The following DCBLD1 variants were observed in gnomAD, a reference collection of about 807,000 sequenced individuals.
DCBLD1 encodes discoidin, CUB and LCCL domain containing 1.
In DCBLD1, 57 loss-of-function variants were observed where a neutral mutation model predicts 71.5. That is an observed-to-expected ratio of 0.80 (90% CI 0.64 to 0.99). The LOEUF (loss-of-function observed/expected upper bound fraction) is 0.99. DCBLD1 is among the 50% of genes least tolerant of loss of function. The pLI is 0.00. For missense variants in DCBLD1, 891 were observed against 923.5 expected (o/e 0.96, Z 0.46); for synonymous variants, 380 against 363.8 (o/e 1.04, Z -0.51).
intron 7 of DCBLD1, 26 bp downstream of exon 7, chr6:117,537,251 T>G (rs1223578380): frequency 6.2e-7 from 1 of 1,612,834 alleles, no homozygotes. Flanking sequence ...TCCTTAAGAA[T>G]TTGATATTTT....
intron 5 of DCBLD1, among the ~76,000 whole-genome samples, chr6:117,529,814 A>G (rs1171328370): frequency 1.3e-5 from 2 of 152,240 alleles, no homozygotes; most frequent in Non-Finnish European, 2.9e-5. Context: ...AAAACCCACA[A>G]TTACTTTTGC....
At chr6:117,543,768 T>A (rs1169081015) in intron 12 of DCBLD1, among the ~76,000 whole-genome samples, 1 of 152,210 alleles carries the variant, frequency 6.6e-6, no homozygotes, top group Non-Finnish European at 1.5e-5. Context: ...TAGAAGTATC[T>A]GTGCTTCTCC....
intron 5 of DCBLD1, among the ~76,000 whole-genome samples, chr6:117,531,426 G>A (rs1778716098): frequency 6.6e-6 from 1 of 152,168 alleles, no homozygotes; most frequent in Non-Finnish European, 1.5e-5. Context: ...GAAAGTTCTA[G>A]TCGTTTCTGT....
At chr6:117,518,769 A>G (rs1398016698) in intron 2 of DCBLD1, among the ~76,000 whole-genome samples, 1 of 152,180 alleles carries the variant, frequency 6.6e-6, no homozygotes, top group Non-Finnish European at 1.5e-5. Context: ...ACCTTCCCCC[A>G]TGATTCAGTT....
Position 117,548,291 on chromosome 6 carries a change from G to A in DCBLD1, c.2000G>A (p.Arg667Gln), listed in dbSNP as rs1157727225. ...CAGCCTGCGGACAGGGGCTACGACC[G>A]GCCCAAAGCTGTCAGCGCCCTCGCC... ...SAQPADRGYD[R>Q]PKAVSALATE... Residue 667 changes from arginine (R) to glutamine (Q), a missense_variant, in exon 15 of 15, where the codon CGG becomes CAG. Transcript: ENST00000338728. The A allele has an allele frequency of 1.0e-5, 16 of 1,550,622 alleles. No homozygotes were observed. Among genetic ancestry groups the A allele is most frequent in the East Asian group, 2.4e-5 (1 of 40,916 alleles).
intron 2 of DCBLD1, among the ~76,000 whole-genome samples, chr6:117,517,904 T>C (rs1001537199): frequency 5.3e-5 from 8 of 152,230 alleles, no homozygotes; most frequent in African/African-American, 1.9e-4. Context: ...AGGGTTGCCT[T>C]GAAGACCTCT....
chr6:117,509,546 C>T (rs189821600), intron 2 of DCBLD1, among the ~76,000 whole-genome samples: 42 of 152,276 alleles, frequency 2.8e-4, no homozygotes, highest in Admixed American at 1.8e-3. Context: ...ACTTAGTCAA[C>T]GTTAGCCATT....
chr6:117,532,416 G>C, intron 6 of DCBLD1, 23 bp downstream of exon 6: 1 of 1,584,078 alleles, frequency 6.3e-7, no homozygotes. Flanking sequence ...TTTCAGTATC[G>C]TTTGTTCTGA....
At chr6:117,561,299 G>T (rs1779579787) in intron 14 of DCBLD1, 1 of 224,016 alleles carries the variant, frequency 4.5e-6, no homozygotes. Context: ...TTATTCGGTA[G>T]TTCTTGAAAA....
intron 14 of DCBLD1, 42 bp from the exon 15 acceptor site, chr6:117,547,865 G>A (rs1351313991): frequency 6.5e-7 from 1 of 1,550,100 alleles, no homozygotes. Context: ...AGGCCGGCCC[G>A]TGTGTGGTGC....
At chr6:117,483,642 C>G (rs1416532095) in intron 1 of DCBLD1, among the ~76,000 whole-genome samples, 1 of 152,072 alleles carries the variant, frequency 6.6e-6, no homozygotes, top group East Asian at 1.9e-4. Context: ...CATATTAAAG[C>G]AGCAACCCCC....
At chr6:117,556,357 C>A (rs750953964) in intron 14 of DCBLD1, among the ~76,000 whole-genome samples, 1 of 152,108 alleles carries the variant, frequency 6.6e-6, no homozygotes, top group Non-Finnish European at 1.5e-5. Context: ...ATTTTTCAAC[C>A]CTCACCCACC....
At position 117,498,437 on chromosome 6, in the gene DCBLD1, G is replaced by C. The variant is rs925931665; in HGVS notation, c.113-5330G>C. On this transcript the variant is annotated intron_variant, in intron 1 of 14. Transcript: ENST00000338728. ...AGGAAGGAACAGATAAACATTGTGT[G>C]GTGTAGCCACTTTGAAGAGTGGTCA... Among the ~76,000 whole-genome samples, 52 of 152,256 alleles carry C rather than the reference G, an allele frequency of 3.4e-4. 1 individual carries two copies. The highest frequency in any genetic ancestry group is 1.2e-3 in the African/African-American group (48 of 41,550).
chr6:117,489,694 T>C (rs1777218041), intron 1 of DCBLD1, among the ~76,000 whole-genome samples: 1 of 151,934 alleles, frequency 6.6e-6, no homozygotes. Flanking sequence ...ACCATCATGG[T>C]CTAACTCGGT....
rs1391727403 is a variant in DCBLD1, at chr6:117,538,795, G to A, written c.936G>A (p.Glu312=). 1.2e-6 allele frequency: 2 copies of A among 1,614,030 alleles called. No individual in the cohort carries two copies. Among genetic ancestry groups the A allele is most frequent in the African/African-American group, 1.3e-5 (1 of 74,936 alleles). The part of the protein sequence containing the change: ...GDSSNNHKPR[E]WLEIDLGEKK... ...GTAGCAACAACCACAAACCACGAGA[G>A]TGGCTGGAGATCGATTTGGGGGAGA... Residue 312 remains glutamate (E), a synonymous_variant, in exon 8 of 15, where the codon GAG becomes GAA. Transcript: ENST00000338728.
chr6:117,549,115 T>C lies in DCBLD1; in HGVS notation c.*676T>C. 1.0e-6 allele frequency: 1 copy of C among 985,836 alleles called. No individual in the cohort carries two copies. Among genetic ancestry groups the C allele is most frequent in the East Asian group, 1.1e-4 (1 of 8,818 alleles). 61.1% of individuals were successfully genotyped at this position (985,836 alleles called of 1,614,324 possible). Reference sequence around the variant, plus strand: ...ACACCTCAGCAGCTGCCCGTTTCCTTAGTCTCCACTTCAGAGGGGGATGCG... The same window carrying C: ...ACACCTCAGCAGCTGCCCGTTTCCTCAGTCTCCACTTCAGAGGGGGATGCG... On this transcript the variant is annotated 3_prime_UTR_variant, in exon 15 of 15. Coordinates refer to ENST00000338728, the MANE Select transcript of DCBLD1 (RefSeq NM_001366458.2).
intron 12 of DCBLD1, among the ~76,000 whole-genome samples, chr6:117,543,850 C>T (rs1483355785): frequency 6.6e-6 from 1 of 152,160 alleles, no homozygotes. Flanking sequence ...ACTCAGCCTC[C>T]CCAAGCCTGT....
chr6:117,558,179 A>G (rs1779520024), intron 14 of DCBLD1, among the ~76,000 whole-genome samples: 1 of 152,216 alleles, frequency 6.6e-6, no homozygotes, highest in Non-Finnish European at 1.5e-5. Flanking sequence ...TTCGCTGAAC[A>G]TTCAAGTGTC....
In DCBLD1 at chr6:117,482,863, G is replaced by A; in HGVS notation, c.82G>A (p.Ala28Thr). The A allele has an allele frequency of 8.4e-7, 1 of 1,190,492 alleles. No individual in the cohort carries two copies. 73.7% of individuals were successfully genotyped at this position (1,190,492 alleles called of 1,614,324 possible). The change falls in exon 1 of 15, where the codon GCC becomes ACC. Residue 28 changes from alanine (A) to threonine (T), a missense_variant. Transcript: ENST00000338728. ...CCTGGCTTTGCTGCTCGCGGTCTCCGCCCCGCTCCGGCTGCAGGCGGAGGA... is the reference window on the plus strand; with the variant it reads ...CCTGGCTTTGCTGCTCGCGGTCTCCACCCCGCTCCGGCTGCAGGCGGAGGA... ...GLLALLLAVS[A>T]PLRLQAEELG... is the part of the protein sequence containing the mutation.
Sources: allele counts gnomAD v4.1 joint callset (sites outside exome capture counted in the v4.1 genomes callset), GRCh38; gene constraint gnomAD v4.1.1; transcripts MANE v1.5; gene names NCBI Gene and HGNC (gene_info 2026-07-23, HGNC 2026-07-21).